The following CRADD variants were observed in gnomAD, a reference collection of about 807,000 sequenced individuals.
The protein encoded by CRADD is CARD and death domain containing adaptor protein.
A neutral mutation model predicts 15.5 loss-of-function variants in CRADD; 9 were observed. The ratio of observed to expected loss-of-function variants is 0.58; its 90% CI spans 0.35 to 1.01. The LOEUF is 1.01. CRADD is among the 50% of genes least tolerant of loss of function. CRADD has a pLI of 0.02. For synonymous variants in CRADD, 118 were observed against 107.6 expected, an observed-to-expected ratio of 1.10 and a Z score of -0.60; for missense variants, 227 against 250.3, an observed-to-expected ratio of 0.91 and a Z score of 0.63.
intron 1 of CRADD, 71 bp from the exon 2 acceptor site, chr12:93,678,698 T>G (rs1388923975): frequency 6.6e-7 from 1 of 1,506,718 alleles, no homozygotes; most frequent in Non-Finnish European, 9.0e-7. Context: ...GGAACTTACA[T>G]TGCAGTGACA....
At chr12:93,678,683 C>G in intron 1 of CRADD, 86 bp from the exon 2 acceptor site, 4 of 1,426,896 alleles carry the variant, frequency 2.8e-6, no homozygotes, top group Non-Finnish European at 3.8e-6. Flanking sequence ...TGTGCTTGAC[C>G]TGAAGGAACT....
chr12:93,690,340 G>T (rs1023138471), intron 2 of CRADD, among the ~76,000 whole-genome samples: 2 of 152,198 alleles, frequency 1.3e-5, no homozygotes, highest in Admixed American at 6.5e-5. Flanking sequence ...ACGCCCATGG[G>T]CCTGGAAAAC....
At chr12:93,804,236 G>A (rs1957509988) in intron 2 of CRADD, among the ~76,000 whole-genome samples, 1 of 152,114 alleles carries the variant, frequency 6.6e-6, no homozygotes, top group African/African-American at 2.4e-5. Context: ...GGAAACTTGG[G>A]TGTTTAATGC....
At chr12:93,716,483 C>T (rs80158394) in intron 2 of CRADD, among the ~76,000 whole-genome samples, 2,948 of 152,302 alleles carry the variant, frequency 0.019, 73 homozygotes, top group African/African-American at 0.066. Flanking sequence ...TTTATGGAAT[C>T]ATACAGAGTA....
intron 2 of CRADD, among the ~76,000 whole-genome samples, chr12:93,702,285 G>A (rs1227224356): frequency 6.6e-6 from 1 of 152,048 alleles, no homozygotes; most frequent in Non-Finnish European, 1.5e-5. Context: ...TTGATATCTA[G>A]GCTTTGAATC....
At chr12:93,739,748 T>A (rs935533716) in intron 2 of CRADD, among the ~76,000 whole-genome samples, 1 of 152,142 alleles carries the variant, frequency 6.6e-6, no homozygotes, top group Non-Finnish European at 1.5e-5. Flanking sequence ...AGGAAAAAAA[T>A]TATTTTTCAT....
At chr12:93,745,540 A>C (rs1471677880) in intron 2 of CRADD, among the ~76,000 whole-genome samples, 1 of 152,124 alleles carries the variant, frequency 6.6e-6, no homozygotes, top group Non-Finnish European at 1.5e-5. Flanking sequence ...GGTGGTCTGG[A>C]GATGTGAGGT....
chr12:93,880,610 TGAATA>T (rs1192984367), intron 2 of CRADD, among the ~76,000 whole-genome samples: 3 of 152,212 alleles, frequency 2.0e-5, no homozygotes, highest in Non-Finnish European at 4.4e-5. Context: ...TTGAAGCATG[TGAATA>T]GAAGAGCATC....
intron 2 of CRADD, among the ~76,000 whole-genome samples, chr12:93,893,031 G>A (rs192687533): frequency 1.3e-5 from 2 of 152,304 alleles, no homozygotes; most frequent in African/African-American, 4.8e-5. Flanking sequence ...TCCCCAAGAC[G>A]GGAAGGGACA....
At chr12:93,815,249 G>T (rs1957682478) in intron 2 of CRADD, 1 of 152,170 alleles carries the variant, frequency 6.6e-6, no homozygotes, top group South Asian at 2.1e-4. Context: ...ATAAATAGAG[G>T]TAAGATTGTA....
At chr12:93,871,331 T>C (rs1298961447) in intron 2 of CRADD, among the ~76,000 whole-genome samples, 9 of 152,194 alleles carry the variant, frequency 5.9e-5, no homozygotes. Flanking sequence ...AAAAATTTTG[T>C]GGGTACATAG....
intron 2 of CRADD, among the ~76,000 whole-genome samples, chr12:93,794,720 C>T (rs890903476): frequency 1.3e-5 from 2 of 152,182 alleles, no homozygotes; most frequent in African/African-American, 4.8e-5. Flanking sequence ...GCCACTCCCC[C>T]ACTTAAACTC....
intron 2 of CRADD, among the ~76,000 whole-genome samples, chr12:93,695,273 TA>T (rs1325380394): frequency 6.6e-6 from 1 of 152,206 alleles, no homozygotes; most frequent in East Asian, 1.9e-4. Context: ...CAGAAGAATT[TA>T]GACCCTCATC....
chr12:93,739,564 G>A (rs1005353000), intron 2 of CRADD, among the ~76,000 whole-genome samples: 3 of 151,588 alleles, frequency 2.0e-5, no homozygotes, highest in Non-Finnish European at 2.9e-5. Flanking sequence ...AAGCATCAAG[G>A]CTGTCTCCTA....
intron 2 of CRADD, among the ~76,000 whole-genome samples, chr12:93,882,996 G>A (rs1958513463): frequency 6.6e-6 from 1 of 152,154 alleles, no homozygotes; most frequent in African/African-American, 2.4e-5. Flanking sequence ...AGTAAAAACA[G>A]ACCCAAAGTG....
At chr12:93,679,718 C>T (rs1449097726) in intron 2 of CRADD, among the ~76,000 whole-genome samples, 6 of 152,264 alleles carry the variant, frequency 3.9e-5, no homozygotes, top group South Asian at 2.1e-4. Context: ...CAGCCGTTGG[C>T]ATCAGGAGCC....
chr12:93,724,175 T>C (rs1246452090), intron 2 of CRADD, among the ~76,000 whole-genome samples: 4 of 152,178 alleles, frequency 2.6e-5, no homozygotes, highest in East Asian at 3.9e-4. Flanking sequence ...AGCCCAGGAA[T>C]TCGAGGCCAG....
rs1008227648 is a variant in CRADD, at chr12:93,824,679, G to A, written c.299-25291G>A. Among the ~76,000 whole-genome samples the A allele has an allele frequency of 3.3e-5, 5 of 152,118 alleles. No individual in the cohort carries two copies. Among genetic ancestry groups the A allele is most frequent in the African/African-American group, 9.7e-5 (4 of 41,408 alleles). On this transcript the variant is annotated intron_variant, in intron 2 of 2. Transcript: ENST00000332896. This position sits in a 1 kb window ranked among gnomAD's most constrained non-coding sequence, Gnocchi z 4.3. ...TGAAGCTGAAACCTAGCCTTCTGCCGAGTGGTATTCCTGAAGCCAGTCACT... is the reference window on the plus strand; with the variant it reads ...TGAAGCTGAAACCTAGCCTTCTGCCAAGTGGTATTCCTGAAGCCAGTCACT...
intron 2 of CRADD, among the ~76,000 whole-genome samples, chr12:93,783,076 A>G (rs1957229757): frequency 6.6e-6 from 1 of 152,104 alleles, no homozygotes; most frequent in Non-Finnish European, 1.5e-5. Context: ...CCCAATTTGT[A>G]TAGCCTGGGG....
Sources: gnomAD v4.1 joint callset for allele counts (sites outside exome capture counted in the v4.1 genomes callset) on GRCh38, gnomAD v4.1.1 for gene constraint, Gnocchi (gnomAD v3.1) non-coding constraint, MANE v1.5 for transcripts, NCBI Gene and HGNC (gene_info 2026-07-23, HGNC 2026-07-21) for gene names.